The following GPR176 variants were observed in gnomAD, a reference collection of about 807,000 sequenced individuals.
The protein encoded by GPR176 is G-protein coupled receptor 176.
A neutral mutation model predicts 35.4 loss-of-function variants in GPR176; 26 were observed. That is an observed-to-expected ratio of 0.74 (90% confidence interval 0.54 to 1.02). The LOEUF (loss-of-function observed/expected upper bound fraction) is 1.02. Ranked by LOEUF, GPR176 falls within the 50% of genes least tolerant of loss-of-function variation. The pLI is 0.00. For missense variants in GPR176, 597 were observed against 665.3 expected (o/e 0.90, Z 1.13); for synonymous variants, 278 against 271.3 (o/e 1.02, Z -0.24).
intron 1 of GPR176, among the ~76,000 whole-genome samples, chr15:39,895,254 C>CGTGG (rs1203540283): frequency 1.1e-5 from 1 of 92,792 alleles, no homozygotes; most frequent in African/African-American, 4.7e-5. Context: ...AGAGGGAGAC[C>CGTGG]ATGGGGAGAG....
chr15:39,806,927 T>C, intron 2 of GPR176, 79 bp downstream of exon 2: 3 of 1,286,134 alleles, frequency 2.3e-6, no homozygotes, highest in South Asian at 2.9e-5. Flanking sequence ...GAACATTGAC[T>C]ACTCATCATT....
chr15:39,825,838 C>T (rs1453703388), intron 1 of GPR176, among the ~76,000 whole-genome samples: 1 of 152,158 alleles, frequency 6.6e-6, no homozygotes, highest in East Asian at 1.9e-4. Context: ...TAGTCCTGTG[C>T]CCAGTACCCA....
intron 1 of GPR176, among the ~76,000 whole-genome samples, chr15:39,855,762 A>C (rs1315448914): frequency 6.6e-6 from 1 of 152,222 alleles, no homozygotes; most frequent in African/African-American, 2.4e-5. Flanking sequence ...CAGCTGAGCA[A>C]AGTGGATTCT....
intron 1 of GPR176, among the ~76,000 whole-genome samples, chr15:39,845,446 G>A (rs1281071655): frequency 2.6e-5 from 4 of 151,582 alleles, no homozygotes; most frequent in South Asian, 4.2e-4. Context: ...AAGAGATAAA[G>A]AAAAGGAGCG....
At chr15:39,891,468 T>C (rs972890708) in intron 1 of GPR176, among the ~76,000 whole-genome samples, 13 of 152,124 alleles carry the variant, frequency 8.5e-5, no homozygotes, top group Admixed American at 5.2e-4. Flanking sequence ...ATCCTCTCAT[T>C]TCAGCCTTCC....
chr15:39,902,415 T>C (rs1010007236), intron 1 of GPR176, among the ~76,000 whole-genome samples: 1 of 152,176 alleles, frequency 6.6e-6, no homozygotes, highest in Admixed American at 6.5e-5. Context: ...AATAATAGCA[T>C]CCTGCAGAGA....
intron 1 of GPR176, among the ~76,000 whole-genome samples, chr15:39,835,932 T>C (rs917490881): frequency 6.6e-6 from 1 of 151,938 alleles, no homozygotes; most frequent in Non-Finnish European, 1.5e-5. Flanking sequence ...CAGTCTCTAA[T>C]AAAAATACAA....
At chr15:39,856,351 T>C (rs903465155) in intron 1 of GPR176, among the ~76,000 whole-genome samples, 1 of 152,248 alleles carries the variant, frequency 6.6e-6, no homozygotes, top group African/African-American at 2.4e-5. Flanking sequence ...AGACAGTATA[T>C]TAGTTATCTA....
intron 1 of GPR176, among the ~76,000 whole-genome samples, chr15:39,903,952 G>C (rs768431785): frequency 4.6e-5 from 7 of 152,184 alleles, no homozygotes; most frequent in Admixed American, 3.9e-4. Context: ...CCCAAGGGCT[G>C]CTGGTTGCCC....
chr15:39,860,130 A>G (rs1256053704), intron 1 of GPR176, among the ~76,000 whole-genome samples: 23 of 152,258 alleles, frequency 1.5e-4, no homozygotes, highest in Admixed American at 1.4e-3. Context: ...AGTAATAAAA[A>G]AAGTCTATCC....
chr15:39,884,496 T>C (rs2032597444), intron 1 of GPR176, among the ~76,000 whole-genome samples: 1 of 152,238 alleles, frequency 6.6e-6, no homozygotes, highest in Non-Finnish European at 1.5e-5. Context: ...TGATAAAGGT[T>C]GTTTTTCTCA....
At chr15:39,886,406 T>C (rs1566962685) in intron 1 of GPR176, among the ~76,000 whole-genome samples, 1 of 152,058 alleles carries the variant, frequency 6.6e-6, no homozygotes, top group Non-Finnish European at 1.5e-5. Flanking sequence ...AGCCCTGACA[T>C]GCTTGCACAA....
chr15:39,805,483 TA>T (rs1899131719), intron 2 of GPR176, among the ~76,000 whole-genome samples: 1 of 152,054 alleles, frequency 6.6e-6, no homozygotes, highest in Non-Finnish European at 1.5e-5. Context: ...TCTGAAAGAA[TA>T]AAAAAGTCCT....
At chr15:39,842,192 T>C (rs1024547424) in intron 1 of GPR176, among the ~76,000 whole-genome samples, 3 of 152,044 alleles carry the variant, frequency 2.0e-5, no homozygotes, top group Non-Finnish European at 2.9e-5. Flanking sequence ...ACAGGCTGTA[T>C]AGGAGGCATG....
intron 1 of GPR176, among the ~76,000 whole-genome samples, chr15:39,891,069 TAAAAC>T (rs10523342): frequency 0.012 from 1,901 of 152,274 alleles, 47 homozygotes; most frequent in African/African-American, 0.041. Context: ...ATAATAAAGA[TAAAAC>T]AAACTACACA....
At chr15:39,818,059 T>C (rs1259813424) in intron 1 of GPR176, among the ~76,000 whole-genome samples, 1 of 152,208 alleles carries the variant, frequency 6.6e-6, no homozygotes, top group African/African-American at 2.4e-5. Flanking sequence ...ATCAGAAGAA[T>C]TATGGCCAAA....
chr15:39,876,722 C>A (rs1197760370), intron 1 of GPR176, among the ~76,000 whole-genome samples: 1 of 151,866 alleles, frequency 6.6e-6, no homozygotes, highest in African/African-American at 2.4e-5. Flanking sequence ...GTAGTCCCAG[C>A]CACTTGGGAG....
intron 1 of GPR176, among the ~76,000 whole-genome samples, chr15:39,867,446 C>T (rs1421488893): frequency 6.6e-6 from 1 of 152,120 alleles, no homozygotes; most frequent in Non-Finnish European, 1.5e-5. Flanking sequence ...TCGGGAAATG[C>T]ACAGCTGGCC....
intron 1 of GPR176, among the ~76,000 whole-genome samples, chr15:39,896,156 G>T (rs376828449): frequency 1.4e-4 from 21 of 152,146 alleles, no homozygotes; most frequent in African/African-American, 5.1e-4. Context: ...CTGGGTTCAA[G>T]CAATCCTCCC....
Sources: gnomAD v4.1 joint callset for allele counts (sites outside exome capture counted in the v4.1 genomes callset) on GRCh38, gnomAD v4.1.1 for gene constraint, MANE v1.5 for transcripts, NCBI Gene and HGNC (gene_info 2026-07-23, HGNC 2026-07-21) for gene names.